Variants in DDX20 observed in about 807,000 individuals in gnomAD.
The protein encoded by DDX20 is DEAD-box helicase 20.
Under a neutral mutation model 76.4 loss-of-function variants are expected in DDX20, and 61 were observed. That is an observed-to-expected ratio of 0.80 (90% CI 0.65 to 0.99). The LOEUF (loss-of-function observed/expected upper bound fraction) is 0.99. DDX20 is among the 50% of genes least tolerant of loss of function. The pLI, the probability that DDX20 is intolerant of heterozygous loss-of-function variation, is 0.00. For missense variants in DDX20, 976 were observed against 996.8 expected (o/e 0.98, Z 0.28); for synonymous variants, 357 against 357.4 (o/e 1.00, Z 0.01).
At chr1:111,763,204 TAGAG>T (rs1412775492) in intron 10 of DDX20, among the ~76,000 whole-genome samples, 197 bp downstream of exon 10, 1 of 152,050 alleles carries the variant, frequency 6.6e-6, no homozygotes, top group Admixed American at 6.6e-5. Flanking sequence ...TATTTAGACA[TAGAG>T]AGGGTAAGTA....
rs745720726 is a variant in DDX20 at position 111,762,959 on chromosome 1, A to G, written c.1264A>G (p.Met422Val). 6.2e-7 allele frequency: 1 copy of G among 1,613,172 alleles called. No homozygotes were observed. The highest frequency in any genetic ancestry group is 1.3e-5 in the African/African-American group (1 of 74,832). The change falls in exon 10 of 11, where the codon ATG becomes GTG. Residue 422 changes from methionine (M) to valine (V), a missense_variant. By Grantham distance (21) the Met-to-Val change is conservative (BLOSUM62 1). This residue lies in a region of DDX20 where 630 missense variants were observed against 693.7 expected (regional missense o/e 0.91). Coordinates refer to ENST00000369702, the MANE Select transcript of DDX20 (RefSeq NM_007204.5). ...TTGCCGGGGAGAGGAAGAAAATATGATGATGAGAATTGCCCAGAAATGTAA... is the reference window on the plus strand; with the variant it reads ...TTGCCGGGGAGAGGAAGAAAATATGGTGATGAGAATTGCCCAGAAATGTAA... ...YCCRGEEENM[M>V]MRIAQKCNIN...
intron 1 of DDX20, among the ~76,000 whole-genome samples, 165 bp from the exon 2 acceptor site, chr1:111,756,481 C>A (rs1244696991): frequency 6.6e-6 from 1 of 152,124 alleles, no homozygotes; most frequent in Non-Finnish European, 1.5e-5. Flanking sequence ...AAACGGTAAA[C>A]GTTCAGGGAC....
In DDX20 at chr1:111,759,511, C is replaced by T. The variant is rs1027090407; in HGVS notation, c.508C>T (p.Pro170Ser). 3.7e-6 allele frequency: 6 copies of T among 1,613,598 alleles called. No homozygotes were observed. In the African/African-American group the frequency reaches 6.7e-5, roughly 18 times the overall value. ...LECHVFIGGT[P>S]LSQDKTRLKK... Reference sequence around the variant, plus strand: ...GTGTCATGTCTTTATTGGAGGGACCCCATTATCACAAGACAAAACCAGACT... The same window carrying T: ...GTGTCATGTCTTTATTGGAGGGACCTCATTATCACAAGACAAAACCAGACT... The change falls in exon 3 of 11, where the codon CCA (proline) becomes TCA (serine). Residue 170 changes from proline (P) to serine (S), a missense_variant. Physicochemically the swap from Pro to Ser is moderately conservative, Grantham distance 74. Coordinates refer to ENST00000369702, the MANE Select transcript of DDX20 (RefSeq NM_007204.5).
At position 111,760,866 on chromosome 1, in the gene DDX20, G is replaced by A. The variant is rs377567127; in HGVS notation, c.823+18G>A. The A allele has an allele frequency of 1.3e-6, 2 of 1,598,030 alleles. No homozygotes were observed. Among genetic ancestry groups the A allele is most frequent in the African/African-American group, 2.7e-5 (2 of 73,930 alleles). ...TCTCATAGGTGTGTACAGCTTTTAG[G>A]TACTTATATTATTGGTTTATTTGTG... On this transcript the variant is annotated intron_variant, in intron 5 of 10. Coordinates refer to ENST00000369702, the MANE Select transcript of DDX20 (RefSeq NM_007204.5).
In DDX20 at chr1:111,767,004, A is replaced by G. The variant is rs1203489378; in HGVS notation, c.*105A>G. On this transcript the variant is annotated 3_prime_UTR_variant, in exon 11 of 11. Transcript: ENST00000369702. ...AGTGGTGTATAGTGGCATTTCTGAT[A>G]AACTTGAAAAGACTTGAGTCTTTCC... The G allele has an allele frequency of 2.2e-6, 2 of 892,070 alleles. No individual in the cohort carries two copies. Among genetic ancestry groups the G allele is most frequent in the Non-Finnish European group, 3.3e-6 (2 of 603,070 alleles). The allele number at this position is 892,070 out of a possible 1,614,324, so 55.3% of individuals were successfully genotyped here.
chr1:111,762,418 T>C, intron 8 of DDX20, 81 bp downstream of exon 8: 1 of 1,155,522 alleles, frequency 8.7e-7, no homozygotes, highest in South Asian at 1.4e-5. Flanking sequence ...CATATATTAT[T>C]TTATGTAGGC....
In DDX20 at chr1:111,756,045, C is replaced by A. The variant is rs777911986; in HGVS notation, c.121C>A (p.Arg41=). 172 of 1,609,150 alleles carry A rather than the reference C, an allele frequency of 1.1e-4. No homozygotes were observed. The highest frequency in any genetic ancestry group is 1.3e-4 in the Non-Finnish European group (150 of 1,178,868). The change falls in exon 1 of 11, where the codon CGG becomes AGG. Residue 41 remains arginine (R), a synonymous_variant. Coordinates refer to ENST00000369702, the MANE Select transcript of DDX20 (RefSeq NM_007204.5). ...AACACCCGGGCCTGTGAGGATCCTGCGGACCGCTCAGGATCTCAGCAGCCC... is the reference window on the plus strand; with the variant it reads ...AACACCCGGGCCTGTGAGGATCCTGAGGACCGCTCAGGATCTCAGCAGCCC... The part of the protein sequence containing the change: ...EPTPGPVRIL[R]TAQDLSSPRT...
chr1:111,765,773 A>C lies in DDX20; in HGVS notation c.1349A>C (p.Asp450Ala). The change falls in exon 11 of 11, where the codon GAT becomes GCT. Residue 450 changes from aspartate (D) to alanine (A), a missense_variant. Coordinates refer to ENST00000369702, the MANE Select transcript of DDX20 (RefSeq NM_007204.5). ...TCTGGTCTGATGGAAGAATGTGTGG[A>C]TTGGGATGTGGAAGTTAAAGCTGCT... ...IPSGLMEECV[D>A]WDVEVKAAVH... 6.2e-7 allele frequency: 1 copy of C among 1,608,096 alleles called. No homozygotes were observed. Among genetic ancestry groups the C allele is most frequent in the Non-Finnish European group, 8.5e-7 (1 of 1,178,218 alleles).
chr1:111,763,313 T>G (rs1027243570), intron 10 of DDX20, among the ~76,000 whole-genome samples: 1 of 152,214 alleles, frequency 6.6e-6, no homozygotes, highest in Non-Finnish European at 1.5e-5. Flanking sequence ...GGCTCACGCC[T>G]GTAATCCCAG....
Position 111,759,709 on chromosome 1 carries a change from T to C in DDX20, c.565+141T>C, listed in dbSNP as rs561077997. On this transcript the variant is annotated intron_variant, in intron 3 of 10. Coordinates refer to ENST00000369702, the MANE Select transcript of DDX20 (RefSeq NM_007204.5). ...TGAAGAGCAGGCCGGGCGCGGTGGC[T>C]CACGCCTGTAATCCCAGCACTTTGG... 24 of 893,656 alleles carry C rather than the reference T, an allele frequency of 2.7e-5. No individual in the cohort carries two copies. The African/African-American group carries it at 3.9e-4, about 15-fold the overall frequency. 55.4% of individuals were successfully genotyped at this position (893,656 alleles called of 1,614,324 possible). A position where few individuals can be genotyped will look rare whatever the true frequency, so the allele number is the denominator to read the frequency against.
intron 2 of DDX20, among the ~76,000 whole-genome samples, chr1:111,758,891 G>T (rs1663617308): frequency 6.6e-6 from 1 of 152,212 alleles, no homozygotes; most frequent in Non-Finnish European, 1.5e-5. Flanking sequence ...GCCTAGCACA[G>T]AGTAGGTTCT....
At chr1:111,764,448 C>G (rs17028481) in intron 10 of DDX20, among the ~76,000 whole-genome samples, 2 of 152,110 alleles carry the variant, frequency 1.3e-5, no homozygotes, top group East Asian at 1.9e-4. Context: ...TCTAGTAGAT[C>G]GGGTTAGTAA....
At position 111,765,745 on chromosome 1, in the gene DDX20, C is replaced by T. The variant is rs768627794; in HGVS notation, c.1321C>T (p.Pro441Ser). The T allele has an allele frequency of 6.3e-6, 10 of 1,583,472 alleles. 1 individual carries two copies. The South Asian group carries it at 1.1e-4, about 17-fold the overall frequency. The part of the protein sequence containing the change: ...INLLPLPDPI[P>S]SGLMEECVDW... Reference sequence around the variant, plus strand: ...TCTTCCTTTTTATGTAGATCCCATTCCTTCTGGTCTGATGGAAGAATGTGT... The same window carrying T: ...TCTTCCTTTTTATGTAGATCCCATTTCTTCTGGTCTGATGGAAGAATGTGT... The change falls in exon 11 of 11, where the codon CCT becomes TCT. Residue 441 changes from proline (P) to serine (S), a missense_variant. Coordinates refer to ENST00000369702, the MANE Select transcript of DDX20 (RefSeq NM_007204.5).
At chr1:111,762,009 A>G (rs1228144589) in intron 7 of DDX20, 7 of 352,230 alleles carry the variant, frequency 2.0e-5, no homozygotes, top group East Asian at 9.3e-5. Flanking sequence ...AGAATGTTAT[A>G]TATTCAGGCA....
chr1:111,766,301 C>T lies in DDX20; in HGVS notation c.1877C>T (p.Pro626Leu). Residue 626 changes from proline to leucine, a missense_variant, in exon 11 of 11, where the codon CCT becomes CTT. Physicochemically the swap from Pro to Leu is moderately conservative, Grantham distance 98. Coordinates refer to ENST00000369702, the MANE Select transcript of DDX20 (RefSeq NM_007204.5). ...GGCCCTGGGGATCAGACTGTGAATC[C>T]TCAAAATGGTTTTGTGAGAAATAAA... ...YTGPGDQTVN[P>L]QNGFVRNKVI... 2 of 1,614,134 alleles carry T rather than the reference C, an allele frequency of 1.2e-6. No individual in the cohort carries two copies. The highest frequency in any genetic ancestry group is 2.2e-5 in the East Asian group (1 of 44,886).
chr1:111,766,034 G>T lies in DDX20; in HGVS notation c.1610G>T (p.Gly537Val), dbSNP rs1455041404. 6.2e-7 allele frequency: 1 copy of T among 1,614,172 alleles called. No homozygotes were observed. Among genetic ancestry groups the T allele is most frequent in the East Asian group, 2.2e-5 (1 of 44,888 alleles). The part of the protein sequence containing the change: ...IEKATSPKEL[G>V]CDRQSEEQMK... ...AAAGCAACGTCACCAAAAGAACTGG[G>T]CTGTGACAGGCAATCCGAAGAGCAA... The change falls in exon 11 of 11, where the codon GGC becomes GTC. Residue 537 changes from glycine (G) to valine (V), a missense_variant. Gly to Val is a moderately radical substitution (Grantham distance 109, BLOSUM62 -3). Transcript: ENST00000369702.
chr1:111,762,571 C>T, intron 8 of DDX20, 106 bp from the exon 9 acceptor site: 1 of 1,023,532 alleles, frequency 9.8e-7, no homozygotes, highest in Non-Finnish European at 1.5e-6. Flanking sequence ...CCTCAGTATT[C>T]AGTTCTTAAT....
Position 111,766,909 on chromosome 1 carries a change from A to G in DDX20, c.*10A>G, listed in dbSNP as rs201327467. 9.9e-5 allele frequency: 157 copies of G among 1,590,066 alleles called. No homozygotes were observed. In the Admixed American group the frequency reaches 2.3e-3, roughly 23 times the overall value. ...GCATAGTAACCAGTGATTATAGGAT[A>G]TACCTGAGACCATCAGGAACTGTCA... On this transcript the variant is annotated 3_prime_UTR_variant, in exon 11 of 11. Transcript: ENST00000369702.
rs1227811667 is a variant in DDX20, at chr1:111,762,410, T to C, written c.1104+73T>C. ...TCTATTATCAGATGTACAGATTTCA[T>C]ATATTATTTTATGTAGGCGTATCTA... On this transcript the variant is annotated intron_variant, in intron 8 of 10. Coordinates refer to ENST00000369702, the MANE Select transcript of DDX20 (RefSeq NM_007204.5). 5.7e-6 allele frequency: 7 copies of C among 1,220,964 alleles called. No individual in the cohort carries two copies. The African/African-American group carries it at 7.6e-5, about 13-fold the overall frequency. 75.6% of individuals were successfully genotyped at this position (1,220,964 alleles called of 1,614,324 possible). A position where few individuals can be genotyped will look rare whatever the true frequency, so the allele number is the denominator to read the frequency against.
Sources: allele counts gnomAD v4.1 joint callset (sites outside exome capture counted in the v4.1 genomes callset), GRCh38; gene constraint gnomAD v4.1.1; regional missense constraint gnomAD v4.1.1; transcripts MANE v1.5; gene names NCBI Gene and HGNC (gene_info 2026-07-23, HGNC 2026-07-21).